Variants in RIMS1 observed in about 807,000 individuals in gnomAD.
The protein encoded by RIMS1 is regulating synaptic membrane exocytosis protein 1.
In RIMS1, 83 loss-of-function variants were observed where a neutral mutation model predicts 214.1. The observed-to-expected ratio is 0.39, with a 90% CI of 0.32 to 0.47. The LOEUF (loss-of-function observed/expected upper bound fraction) is 0.47. Ranked by LOEUF, RIMS1 falls within the 20% of genes least tolerant of loss-of-function variation. The pLI is 0.99. For missense variants in RIMS1, 2,050 were observed against 2,161.8 expected (o/e 0.95, Z 1.03); for synonymous variants, 793 against 786.8 (o/e 1.01, Z -0.13).
At chr6:72,109,908 CT>C (rs2035668979) in intron 4 of RIMS1, among the ~76,000 whole-genome samples, 1 of 152,064 alleles carries the variant, frequency 6.6e-6, no homozygotes, top group Non-Finnish European at 1.5e-5. Context: ...CCAGTTTCAG[CT>C]TTCTACATAT....
At chr6:72,074,006 A>G (rs1831183730) in intron 2 of RIMS1, among the ~76,000 whole-genome samples, 1 of 152,168 alleles carries the variant, frequency 6.6e-6, no homozygotes, top group African/African-American at 2.4e-5. Context: ...TGCCTTTATT[A>G]TTCTATGTAT....
intron 1 of RIMS1, among the ~76,000 whole-genome samples, chr6:71,967,231 AC>A (rs1794701926): frequency 1.3e-5 from 2 of 152,066 alleles, no homozygotes; most frequent in Admixed American, 6.6e-5. Flanking sequence ...TACTAAAAAT[AC>A]AAAAAATTAA....
intron 2 of RIMS1, among the ~76,000 whole-genome samples, chr6:71,979,171 CT>C (rs1372797145): frequency 1.3e-5 from 2 of 152,054 alleles, no homozygotes; most frequent in Admixed American, 6.6e-5. Flanking sequence ...GCATTTAGTT[CT>C]GGAAGAGTAG....
chr6:72,010,192 C>T (rs1322846520), intron 2 of RIMS1, among the ~76,000 whole-genome samples: 2 of 152,022 alleles, frequency 1.3e-5, no homozygotes, highest in Non-Finnish European at 2.9e-5. Flanking sequence ...AATCAATAAA[C>T]GTAATCCAGC....
At chr6:72,027,533 T>A (rs979452518) in intron 2 of RIMS1, among the ~76,000 whole-genome samples, 1 of 152,138 alleles carries the variant, frequency 6.6e-6, no homozygotes, top group African/African-American at 2.4e-5. Context: ...AAATATTCCC[T>A]TTTTACATGA....
chr6:72,082,004 A>G (rs1471572660), intron 2 of RIMS1, among the ~76,000 whole-genome samples: 2 of 152,190 alleles, frequency 1.3e-5, no homozygotes, highest in Non-Finnish European at 2.9e-5. Context: ...AAAATACTGT[A>G]CCTAATGATG....
At chr6:72,398,196 C>A in intron 31 of RIMS1, 53 bp from the exon 32 acceptor site, 1 of 1,133,812 alleles carries the variant, frequency 8.8e-7, no homozygotes, top group Non-Finnish European at 1.3e-6. Flanking sequence ...TTTGTTTTAA[C>A]TGCACATAAC....
At chr6:72,102,919 A>T (rs1000033581) in intron 4 of RIMS1, among the ~76,000 whole-genome samples, 2 of 152,146 alleles carry the variant, frequency 1.3e-5, no homozygotes, top group Admixed American at 1.3e-4. Flanking sequence ...ATGATGAAGC[A>T]TATGATCCTA....
At chr6:72,294,735 CAT>C (rs1404136691) in intron 26 of RIMS1, among the ~76,000 whole-genome samples, 1 of 151,536 alleles carries the variant, frequency 6.6e-6, no homozygotes, top group Admixed American at 6.6e-5. Flanking sequence ...TTTGGAAACA[CAT>C]GTTTAATCAA....
chr6:72,315,157 T>A (rs1345279092), intron 28 of RIMS1, among the ~76,000 whole-genome samples: 1 of 152,202 alleles, frequency 6.6e-6, no homozygotes, highest in African/African-American at 2.4e-5. Flanking sequence ...GAACCAGTGT[T>A]ACTTTGTGGA....
At chr6:72,331,282 C>A (rs1283228218) in intron 28 of RIMS1, among the ~76,000 whole-genome samples, 1 of 151,570 alleles carries the variant, frequency 6.6e-6, no homozygotes, top group East Asian at 1.9e-4. Flanking sequence ...TAATAGAATT[C>A]CATCTTTATG....
intron 1 of RIMS1, among the ~76,000 whole-genome samples, chr6:71,930,217 T>C (rs180942914): frequency 6.6e-6 from 1 of 152,110 alleles, no homozygotes; most frequent in African/African-American, 2.4e-5. Context: ...GACAGAAGAG[T>C]ATTGTAATAA....
intron 1 of RIMS1, among the ~76,000 whole-genome samples, chr6:71,952,387 A>G (rs184836642): frequency 2.6e-5 from 4 of 152,364 alleles, no homozygotes; most frequent in Admixed American, 2.6e-4. Flanking sequence ...ACAATTTTCT[A>G]GGAACTAGAG....
chr6:71,972,372 T>C (rs1471231050), intron 2 of RIMS1, among the ~76,000 whole-genome samples: 2 of 152,112 alleles, frequency 1.3e-5, no homozygotes, highest in Admixed American at 6.5e-5. Context: ...TAAATGTACA[T>C]GACTTTCTCT....
chr6:71,892,861 A>G (rs1328710), intron 1 of RIMS1, among the ~76,000 whole-genome samples: 79,859 of 151,868 alleles, frequency 0.53, 21,826 homozygotes, highest in Non-Finnish European at 0.59. Context: ...GTAGTCAGAA[A>G]AAGAGGTGAG....
rs1199701855 is a variant in RIMS1 at position 72,128,957 on chromosome 6, C to G, written c.471+28971C>G. Reference sequence around the variant, plus strand: ...CACATTGCATACAGTAATTCCAGATCATTTTATGACATTAAATCAACTCAG... The same window carrying G: ...CACATTGCATACAGTAATTCCAGATGATTTTATGACATTAAATCAACTCAG... On this transcript the variant is annotated intron_variant, in intron 4 of 33. Coordinates refer to ENST00000521978, the MANE Select transcript of RIMS1 (RefSeq NM_014989.7). 7.9e-5 allele frequency among the ~76,000 whole-genome samples: 12 copies of G among 152,264 alleles called. No individual in the cohort carries two copies. In the East Asian group the frequency reaches 2.1e-3, roughly 27 times the overall value.
chr6:72,091,261 G>T (rs558675129), intron 2 of RIMS1, among the ~76,000 whole-genome samples: 1 of 152,074 alleles, frequency 6.6e-6, no homozygotes, highest in Admixed American at 6.6e-5. Context: ...TTCCTCCTCT[G>T]GAAAAATCCA....
intron 8 of RIMS1, among the ~76,000 whole-genome samples, chr6:72,236,301 A>T (rs2063999507): frequency 6.6e-6 from 1 of 152,168 alleles, no homozygotes; most frequent in African/African-American, 2.4e-5. Flanking sequence ...ATGGGCATAG[A>T]TACATGTTTC....
At chr6:72,231,322 AT>A (rs1454677434) in intron 6 of RIMS1, among the ~76,000 whole-genome samples, 1 of 151,674 alleles carries the variant, frequency 6.6e-6, no homozygotes, top group Non-Finnish European at 1.5e-5. Flanking sequence ...AAAGTGTTAT[AT>A]TTTAATGGGT....
Sources: allele counts gnomAD v4.1 joint callset (sites outside exome capture counted in the v4.1 genomes callset), GRCh38; gene constraint gnomAD v4.1.1; transcripts MANE v1.5; gene names NCBI Gene and HGNC (gene_info 2026-07-23, HGNC 2026-07-21).